WASF3: variants seen among roughly 807,000 people sequenced by gnomAD.
WASF3 encodes actin-binding protein WASF3.
A neutral mutation model predicts 46.6 loss-of-function variants in WASF3; 11 were observed. The ratio of observed to expected loss-of-function variants is 0.24; its 90% CI spans 0.15 to 0.39. The LOEUF is 0.39. WASF3 is among the 10% of genes least tolerant of loss of function. The pLI is 1.00. For synonymous variants in WASF3, 242 were observed against 259.7 expected (o/e 0.93, Z 0.65); for missense variants, 576 against 669.8 (o/e 0.86, Z 1.55).
At chr13:26,566,226 C>A (rs192335801) in intron 1 of WASF3, among the ~76,000 whole-genome samples, 1 of 152,068 alleles carries the variant, frequency 6.6e-6, no homozygotes, top group Non-Finnish European at 1.5e-5. Flanking sequence ...ATGAAAGTTA[C>A]AGATAGAGTT....
intron 1 of WASF3, among the ~76,000 whole-genome samples, chr13:26,586,481 C>T (rs933386187): frequency 1.3e-5 from 2 of 152,112 alleles, no homozygotes; most frequent in Non-Finnish European, 2.9e-5. Flanking sequence ...CTAGTCTATT[C>T]CATTATAGGT....
chr13:26,593,167 A>G (rs923564121), intron 1 of WASF3, among the ~76,000 whole-genome samples: 4 of 152,174 alleles, frequency 2.6e-5, no homozygotes, highest in Admixed American at 2.6e-4. Flanking sequence ...AATGTAAAAA[A>G]TATCATCTTA....
chr13:26,660,449 C>G (rs1462135596), intron 3 of WASF3, among the ~76,000 whole-genome samples: 3 of 151,950 alleles, frequency 2.0e-5, no homozygotes, highest in Non-Finnish European at 4.4e-5. Flanking sequence ...GGCCTGAGAA[C>G]TGGCCCTTGA....
At chr13:26,576,064 T>C (rs1879787300) in intron 1 of WASF3, among the ~76,000 whole-genome samples, 1 of 152,130 alleles carries the variant, frequency 6.6e-6, no homozygotes, top group African/African-American at 2.4e-5. Context: ...GATGTATATG[T>C]ATCTTGGAGG....
At chr13:26,578,511 C>CCGA (rs1329333782) in intron 1 of WASF3, among the ~76,000 whole-genome samples, 1 of 152,194 alleles carries the variant, frequency 6.6e-6, no homozygotes, top group Non-Finnish European at 1.5e-5. Context: ...CCATGAGCTG[C>CCGA]CGATCACAGT....
intron 1 of WASF3, among the ~76,000 whole-genome samples, chr13:26,604,759 T>C (rs1168882060): frequency 6.6e-6 from 1 of 152,078 alleles, no homozygotes; most frequent in Non-Finnish European, 1.5e-5. Flanking sequence ...GGCAAGAAAA[T>C]CTTTTTACTT....
chr13:26,561,000 G>T (rs1879277521), intron 1 of WASF3, among the ~76,000 whole-genome samples: 1 of 152,164 alleles, frequency 6.6e-6, no homozygotes, highest in Non-Finnish European at 1.5e-5. Flanking sequence ...TGAGGAGAGG[G>T]TGTACAGAGA....
Position 26,682,674 on chromosome 13 carries a change from G to A in WASF3, c.1051G>A (p.Val351Met). ...ACCACCTCCTCCGCCACCTCCTCCT[G>A]TGATTCCCTCAGCACAAACTGCCTT... Reference protein sequence around the residue: ...SGPPPPPPPPVIPSAQTAFVS... With the variant: ...SGPPPPPPPPMIPSAQTAFVS... Residue 351 changes from valine to methionine, a missense_variant, in exon 9 of 10, where the codon GTG (valine) becomes ATG (methionine). By Grantham distance (21) the Val-to-Met change is conservative. Around this residue, in one of 3 missense-constraint regions of WASF3, gnomAD observed 295 missense variants for 291.5 expected, o/e 1.01. Coordinates refer to ENST00000335327, the MANE Select transcript of WASF3 (RefSeq NM_006646.6). The surrounding 1 kb of genome is among the most constrained non-coding windows in gnomAD (Gnocchi z 4.4). 1.2e-6 allele frequency: 2 copies of A among 1,614,122 alleles called. No homozygotes were observed. Among genetic ancestry groups the A allele is most frequent in the Non-Finnish European group, 1.7e-6 (2 of 1,180,022 alleles).
intron 1 of WASF3, among the ~76,000 whole-genome samples, chr13:26,581,242 T>C (rs367964704): frequency 1.1e-4 from 16 of 152,332 alleles, no homozygotes; most frequent in African/African-American, 3.8e-4. Flanking sequence ...AAATTTCTTT[T>C]TTTTAAGATT....
chr13:26,596,429 A>G (rs982764673), intron 1 of WASF3, among the ~76,000 whole-genome samples: 9 of 151,778 alleles, frequency 5.9e-5, no homozygotes, highest in African/African-American at 9.7e-5. Flanking sequence ...CCCACACCTC[A>G]GCATTCTAAA....
intron 1 of WASF3, among the ~76,000 whole-genome samples, chr13:26,597,529 C>T (rs547803813): frequency 1.6e-4 from 25 of 152,058 alleles, no homozygotes; most frequent in African/African-American, 4.3e-4. Flanking sequence ...ATGTGCACAA[C>T]GTGCAGGTTT....
chr13:26,659,694 C>A (rs144087970), intron 3 of WASF3, among the ~76,000 whole-genome samples: 34 of 152,164 alleles, frequency 2.2e-4, no homozygotes, highest in Non-Finnish European at 4.1e-4. Context: ...AGCAGTCAGA[C>A]CCTGGATATA....
chr13:26,617,170 G>GTAAT (rs2137233441), intron 2 of WASF3, among the ~76,000 whole-genome samples: 1 of 151,972 alleles, frequency 6.6e-6, no homozygotes, highest in South Asian at 2.1e-4. Flanking sequence ...CTTGTTAATT[G>GTAAT]TATTATTCAA....
At position 26,685,818 on chromosome 13, in the gene WASF3, G is replaced by A. The variant is rs890948198; in HGVS notation, c.1482G>A (p.Glu494=). Residue 494 remains glutamate, a synonymous_variant, in exon 10 of 10, where the codon GAG becomes GAA. Transcript: ENST00000335327. Reference sequence around the variant, plus strand: ...ACAGCGACTCTGACGACGACTCAGAGTTCGACGAGAACGACTGGTCCGACT... The same window carrying A: ...ACAGCGACTCTGACGACGACTCAGAATTCGACGAGAACGACTGGTCCGACT... The part of the protein sequence containing the change: ...VEYSDSDDDS[E]FDENDWSD 3 of 1,613,886 alleles carry A rather than the reference G, an allele frequency of 1.9e-6. No individual in the cohort carries two copies. In the Admixed American group the frequency reaches 5.0e-5, roughly 27 times the overall value.
At chr13:26,560,662 CAGTG>C (rs1249659859) in intron 1 of WASF3, among the ~76,000 whole-genome samples, 1 of 152,184 alleles carries the variant, frequency 6.6e-6, no homozygotes, top group Non-Finnish European at 1.5e-5. Context: ...AGTCAGTAAT[CAGTG>C]AGGGATGTAG....
chr13:26,591,826 G>T (rs1163888739), intron 1 of WASF3, among the ~76,000 whole-genome samples: 1 of 152,118 alleles, frequency 6.6e-6, no homozygotes, highest in African/African-American at 2.4e-5. Flanking sequence ...GGACTGAGTT[G>T]TAGGTTCTTG....
Position 26,598,110 on chromosome 13 carries a change from C to T in WASF3, c.-108-14851C>T, listed in dbSNP as rs1180318026. Among the ~76,000 whole-genome samples, 4 of 152,330 alleles carry T rather than the reference C, an allele frequency of 2.6e-5. 1 individual carries two copies. The highest frequency in any genetic ancestry group is 9.6e-5 in the African/African-American group (4 of 41,574). Reference sequence around the variant, plus strand: ...GTGTAAAAGTGTTTCTGTTTCTCCACATCCTCTCCAGCACCTGTTGTTTCC... The same window carrying T: ...GTGTAAAAGTGTTTCTGTTTCTCCATATCCTCTCCAGCACCTGTTGTTTCC... On this transcript the variant is annotated intron_variant, in intron 1 of 9. Transcript: ENST00000335327.
chr13:26,601,408 G>C (rs1880638419), intron 1 of WASF3, among the ~76,000 whole-genome samples: 1 of 152,158 alleles, frequency 6.6e-6, no homozygotes, highest in African/African-American at 2.4e-5. Context: ...TGTGCTCAAG[G>C]TTCTACAGAG....
At chr13:26,616,330 G>A (rs772161538) in intron 2 of WASF3, among the ~76,000 whole-genome samples, 3 of 152,024 alleles carry the variant, frequency 2.0e-5, no homozygotes, top group South Asian at 2.1e-4. Context: ...TATCTCCTGC[G>A]GTTTTAATTT....
Sources: gnomAD v4.1 joint callset for allele counts (sites outside exome capture counted in the v4.1 genomes callset) on GRCh38, gnomAD v4.1.1 for gene constraint, gnomAD v4.1.1 regional missense constraint, Gnocchi (gnomAD v3.1) non-coding constraint, MANE v1.5 for transcripts, NCBI Gene and HGNC (gene_info 2026-07-23, HGNC 2026-07-21) for gene names.